The following PRKN variants were observed in gnomAD, a reference collection of about 807,000 sequenced individuals.
PRKN encodes the protein parkin RBR E3 ubiquitin protein ligase, also known as E3 ubiquitin-protein ligase parkin.
Under a neutral mutation model 59.5 loss-of-function variants are expected in PRKN, and 56 were observed. That is an observed-to-expected ratio of 0.94 (90% confidence interval 0.76 to 1.18). The LOEUF (loss-of-function observed/expected upper bound fraction) is 1.18. Among genes scored for constraint, PRKN ranks in the 50% most tolerant of loss-of-function variants. PRKN has a pLI of 0.00. For synonymous variants in PRKN, 250 were observed against 222.1 expected, an observed-to-expected ratio of 1.13 and a Z score of -1.12; for missense variants, 657 against 596.4, an observed-to-expected ratio of 1.10 and a Z score of -1.06.
chr6:161,905,392 C>A (rs1022983376), intron 6 of PRKN, among the ~76,000 whole-genome samples: 1 of 152,174 alleles, frequency 6.6e-6, no homozygotes, highest in Non-Finnish European at 1.5e-5. Context: ...TTTGAAAAAT[C>A]TTTTTGCTGT....
chr6:161,412,230 TCA>T (rs1219036046), intron 9 of PRKN, among the ~76,000 whole-genome samples: 2 of 144,850 alleles, frequency 1.4e-5, no homozygotes, highest in Non-Finnish European at 3.0e-5. Context: ...CCTTCCTTCC[TCA>T]CTCATTCCTC....
intron 7 of PRKN, among the ~76,000 whole-genome samples, chr6:161,686,115 G>C (rs1562607574): frequency 6.6e-6 from 1 of 150,896 alleles, no homozygotes. Flanking sequence ...TTGTTGACTG[G>C]TCATGATTTT....
At chr6:161,884,009 T>C (rs1423210708) in intron 6 of PRKN, among the ~76,000 whole-genome samples, 1 of 152,182 alleles carries the variant, frequency 6.6e-6, no homozygotes, top group Admixed American at 6.5e-5. Context: ...TTTTTGTTAC[T>C]CTTGAAAATG....
intron 2 of PRKN, among the ~76,000 whole-genome samples, chr6:162,309,562 G>A (rs532060629): frequency 1.7e-4 from 26 of 152,258 alleles, no homozygotes; most frequent in Non-Finnish European, 3.2e-4. Context: ...CTGTCTTGCC[G>A]AATAAGCACA....
At chr6:162,692,399 G>T (rs977633254) in intron 1 of PRKN, among the ~76,000 whole-genome samples, 3 of 152,018 alleles carry the variant, frequency 2.0e-5, no homozygotes, top group African/African-American at 7.3e-5. Context: ...TTCTACCTGG[G>T]GCCTTGGGCC....
intron 1 of PRKN, among the ~76,000 whole-genome samples, chr6:162,628,972 GT>G (rs923266621): frequency 6.6e-6 from 1 of 151,992 alleles, no homozygotes; most frequent in Admixed American, 6.6e-5. Context: ...ATTTTATTAT[GT>G]GAAAACTCCA....
chr6:162,479,770 A>G (rs74620002), intron 1 of PRKN, among the ~76,000 whole-genome samples: 2 of 80,608 alleles, frequency 2.5e-5, no homozygotes, highest in Non-Finnish European at 5.9e-5. Context: ...TTTTTTTCTC[A>G]AAAATAATTA....
chr6:161,669,452 C>T (rs1305598317), intron 7 of PRKN, among the ~76,000 whole-genome samples: 2 of 152,284 alleles, frequency 1.3e-5, no homozygotes, highest in East Asian at 3.9e-4. Context: ...CTTGGAACAC[C>T]ACCTGCTAAA....
At chr6:162,691,003 T>C (rs1777752961) in intron 1 of PRKN, among the ~76,000 whole-genome samples, 1 of 152,180 alleles carries the variant, frequency 6.6e-6, no homozygotes, top group Non-Finnish European at 1.5e-5. Flanking sequence ...TCCTAAAAAA[T>C]GGAATCTTTA....
In PRKN at chr6:162,416,940, A is replaced by G. The variant is rs965379481; in HGVS notation, c.171+26370T>C. ...TGTTTGAAATATATGGTTCAGTCTTAAACTAAACACAAAGCAGTTCTCCTA... is the reference window on the plus strand; with the variant it reads ...TGTTTGAAATATATGGTTCAGTCTTGAACTAAACACAAAGCAGTTCTCCTA... On this transcript the variant is annotated intron_variant, in intron 2 of 11. Coordinates refer to ENST00000366898, the MANE Select transcript of PRKN (RefSeq NM_004562.3). 5.9e-5 allele frequency among the ~76,000 whole-genome samples: 9 copies of G among 152,298 alleles called. No individual in the cohort carries two copies. In the South Asian group the frequency reaches 1.9e-3, roughly 32 times the overall value.
chr6:161,514,038 T>C (rs891131698), intron 9 of PRKN, among the ~76,000 whole-genome samples: 2 of 151,916 alleles, frequency 1.3e-5, no homozygotes, highest in African/African-American at 4.8e-5. Context: ...GGAATTACGA[T>C]CTTCTCAAAG....
At position 161,518,790 on chromosome 6, in the gene PRKN, A is replaced by G. The variant is rs2115352937; in HGVS notation, c.1083+30064T>C. Among the ~76,000 whole-genome samples, 1 of 152,282 alleles carries G rather than the reference A, an allele frequency of 6.6e-6. No individual in the cohort carries two copies. Among genetic ancestry groups the G allele is most frequent in the South Asian group, 2.1e-4 (1 of 4,826 alleles). On this transcript the variant is annotated intron_variant, in intron 9 of 11. Transcript: ENST00000366898. The surrounding 1 kb of genome is among the most constrained non-coding windows in gnomAD (Gnocchi z 5.0). Reference sequence around the variant, plus strand: ...CCATCCACCTCTAGCAGCCCCTGGCAGCTGCCTTGCACAGAAGAGTCACCT... The same window carrying G: ...CCATCCACCTCTAGCAGCCCCTGGCGGCTGCCTTGCACAGAAGAGTCACCT...
rs1419682371 is a variant in PRKN at position 161,446,526 on chromosome 6, G to A, written c.1084-59649C>T. Among the ~76,000 whole-genome samples the A allele has an allele frequency of 6.6e-6, 1 of 152,150 alleles. No homozygotes were observed. Among genetic ancestry groups the A allele is most frequent in the Non-Finnish European group, 1.5e-5 (1 of 68,022 alleles). On this transcript the variant is annotated intron_variant, in intron 9 of 11. Coordinates refer to ENST00000366898, the MANE Select transcript of PRKN (RefSeq NM_004562.3). The surrounding 1 kb of genome is among the most constrained non-coding windows in gnomAD (Gnocchi z 6.2). ...TTTGTGTAGAAGCATAAAAGGAGTA[G>A]GATGTTTGTGATGGCTGAGCGTCAT...
rs137998950 is a variant in PRKN, at chr6:162,069,874, C to A, written c.535-15700G>T. Among the ~76,000 whole-genome samples, 1,400 of 152,214 alleles carry A rather than the reference C, an allele frequency of 9.2e-3. 23 individuals carry two copies. Among genetic ancestry groups the A allele is most frequent in the African/African-American group, 0.032 (1,332 of 41,522 alleles). On this transcript the variant is annotated intron_variant, in intron 4 of 11. Transcript: ENST00000366898. ...ATTATATGAATAATGAAAAATCCCT[C>A]ATTTGAAAAAACTTTATATGGTATA...
At chr6:162,266,056 G>A (rs1265467293) in intron 2 of PRKN, among the ~76,000 whole-genome samples, 1 of 152,142 alleles carries the variant, frequency 6.6e-6, no homozygotes, top group South Asian at 2.1e-4. Context: ...GTATACTCAA[G>A]GACTTGCACA....
At chr6:162,571,583 T>C (rs1780330332) in intron 1 of PRKN, among the ~76,000 whole-genome samples, 1 of 152,022 alleles carries the variant, frequency 6.6e-6, no homozygotes, top group African/African-American at 2.4e-5. Flanking sequence ...TATGGAGGAC[T>C]GGGTAGATGT....
At chr6:161,901,221 C>T in intron 6 of PRKN, among the ~76,000 whole-genome samples, 1 of 152,006 alleles carries the variant, frequency 6.6e-6, no homozygotes, top group East Asian at 1.9e-4. Flanking sequence ...CAGGTGTGAG[C>T]CACCGCGTCC....
At chr6:162,287,721 T>A (rs1781257394) in intron 2 of PRKN, among the ~76,000 whole-genome samples, 1 of 152,206 alleles carries the variant, frequency 6.6e-6, no homozygotes, top group Non-Finnish European at 1.5e-5. Flanking sequence ...AAGGATTAAC[T>A]GGGAGGGTTA....
intron 1 of PRKN, among the ~76,000 whole-genome samples, chr6:162,683,410 C>T (rs1235297806): frequency 6.6e-6 from 1 of 152,064 alleles, no homozygotes; most frequent in Non-Finnish European, 1.5e-5. Flanking sequence ...TAGAAGATAA[C>T]CTACAAGGAA....
Sources: gnomAD v4.1 joint callset for allele counts (sites outside exome capture counted in the v4.1 genomes callset) on GRCh38, gnomAD v4.1.1 for gene constraint, Gnocchi (gnomAD v3.1) non-coding constraint, MANE v1.5 for transcripts, NCBI Gene and HGNC (gene_info 2026-07-23, HGNC 2026-07-21) for gene names.